CDHR5: variants seen among roughly 807,000 people sequenced by gnomAD.
CDHR5 encodes cadherin related family member 5, also known as cadherin-related family member 5.
In CDHR5, 82 loss-of-function variants were observed where a neutral mutation model predicts 69.5. That is an observed-to-expected ratio of 1.18 (90% CI 0.99 to 1.42). CDHR5 has a LOEUF of 1.42. CDHR5 is among the 40% of genes most tolerant of loss of function. The pLI is 0.00. For synonymous variants in CDHR5, 601 were observed against 510.2 expected (o/e 1.18, Z -2.40); for missense variants, 1,293 against 1,168.9 (o/e 1.11, Z -1.55).
chr11:620,582 T>TA (rs1488953369), intron 7 of CDHR5, among the ~76,000 whole-genome samples, 196 bp from the exon 8 acceptor site: 1 of 152,174 alleles, frequency 6.6e-6, no homozygotes, highest in Non-Finnish European at 1.5e-5. Context: ...GGTCCCTTAC[T>TA]AATGAATGAG....
At chr11:622,552 C>T (rs1056199561) in intron 3 of CDHR5, among the ~76,000 whole-genome samples, 1 of 150,678 alleles carries the variant, frequency 6.6e-6, no homozygotes, top group African/African-American at 2.4e-5. Flanking sequence ...CTCTGCCTCC[C>T]AGGTTCAAGC....
Position 616,946 on chromosome 11 carries a change from AGGGTCGG to A in CDHR5, c.*398_*404del. 2 of 219,380 alleles carry A rather than the reference AGGGTCGG, an allele frequency of 9.1e-6. No individual in the cohort carries two copies. The highest frequency in any genetic ancestry group is 1.8e-5 in the Non-Finnish European group (2 of 108,746). 13.6% of individuals were successfully genotyped at this position (219,380 alleles called of 1,614,324 possible). On this transcript the variant is annotated 3_prime_UTR_variant, in exon 15 of 15. Coordinates refer to ENST00000397542, the MANE Select transcript of CDHR5 (RefSeq NM_021924.5). ...CAGCCTCCCCAGGCAATCTCTGTGTAGGGTCGGGAGCGGGAGGTCTGAGATGAGCCGG... is the reference window on the plus strand; with the variant it reads ...CAGCCTCCCCAGGCAATCTCTGTGTAGAGCGGGAGGTCTGAGATGAGCCGG...
In CDHR5 at chr11:624,024, G is replaced by A. The variant is rs1451381998; in HGVS notation, c.312+189C>T. ...ACTGGATGGGGTGTCTGCTGGACAAGGGGTCAGTGACGGGGACTCCACAGC... is the reference window on the plus strand; with the variant it reads ...ACTGGATGGGGTGTCTGCTGGACAAAGGGTCAGTGACGGGGACTCCACAGC... On this transcript the variant is annotated intron_variant, in intron 3 of 14. Coordinates refer to ENST00000397542, the MANE Select transcript of CDHR5 (RefSeq NM_021924.5). This position sits in a 1 kb window ranked among gnomAD's most constrained non-coding sequence, Gnocchi z 5.3. Among the ~76,000 whole-genome samples the A allele has an allele frequency of 1.3e-5, 2 of 152,126 alleles. No homozygotes were observed. The highest frequency in any genetic ancestry group is 1.3e-4 in the Admixed American group (2 of 15,262).
chr11:621,833 G>A lies in CDHR5; in HGVS notation c.384C>T (p.Thr128=), dbSNP rs1564899692. The A allele has an allele frequency of 3.7e-6, 6 of 1,613,396 alleles. No individual in the cohort carries two copies. The highest frequency in any genetic ancestry group is 3.4e-6 in the Non-Finnish European group (4 of 1,179,622). ...TCACCTCCTCCACCCTTATCTCCTTGGTCTTAAAGGGGAATTCGGGGGCAT... is the reference window on the plus strand; with the variant it reads ...TCACCTCCTCCACCCTTATCTCCTTAGTCTTAAAGGGGAATTCGGGGGCAT... ...NDNAPEFPFK[T]KEIRVEEDTK... Residue 128 remains threonine (T), a synonymous_variant, in exon 4 of 15, where the codon ACC becomes ACT. Transcript: ENST00000397542. The surrounding 1 kb of genome is among the most constrained non-coding windows in gnomAD (Gnocchi z 4.4).
rs568991282 is a variant in CDHR5, at chr11:621,851, G to C, written c.366C>G (p.Pro122=). The C allele has an allele frequency of 6.2e-7, 1 of 1,613,694 alleles. No individual in the cohort carries two copies. Among genetic ancestry groups the C allele is most frequent in the Non-Finnish European group, 8.5e-7 (1 of 1,179,856 alleles). Residue 122 remains proline, a synonymous_variant, in exon 4 of 15, where the codon CCC becomes CCG. Transcript: ENST00000397542. This position sits in a 1 kb window ranked among gnomAD's most constrained non-coding sequence, Gnocchi z 4.4. ...VSVLDVNDNA[P]EFPFKTKEIR... is the part of the protein sequence containing the mutation. ...TCTCCTTGGTCTTAAAGGGGAATTCGGGGGCATTGTCATTGACGTCCAGCA... is the reference window on the plus strand; with the variant it reads ...TCTCCTTGGTCTTAAAGGGGAATTCCGGGGCATTGTCATTGACGTCCAGCA...
chr11:617,431 C>G lies in CDHR5; in HGVS notation c.2458G>C (p.Gly820Arg). Residue 820 changes from glycine (G) to arginine (R), a missense_variant, in exon 15 of 15, where the codon GGC becomes CGC. Coordinates refer to ENST00000397542, the MANE Select transcript of CDHR5 (RefSeq NM_021924.5). ...TLDVDGASDS[G>R]SGDEGEGAGR... is the part of the protein sequence containing the mutation. ...GCGCCCTCGCCCTCATCGCCGCTGCCGGAGTCACTGGCGCCATCCACGTCC... is the reference window on the plus strand; with the variant it reads ...GCGCCCTCGCCCTCATCGCCGCTGCGGGAGTCACTGGCGCCATCCACGTCC... The G allele has an allele frequency of 1.2e-6, 2 of 1,612,306 alleles. No individual in the cohort carries two copies. Among genetic ancestry groups the G allele is most frequent in the Non-Finnish European group, 1.7e-6 (2 of 1,179,598 alleles).
At position 618,852 on chromosome 11, in the gene CDHR5, G is replaced by T; in HGVS notation, c.1707C>A (p.Gly569=). 6.2e-7 allele frequency: 1 copy of T among 1,611,012 alleles called. No individual in the cohort carries two copies. The highest frequency in any genetic ancestry group is 8.5e-7 in the Non-Finnish European group (1 of 1,179,220). ...TTCCTGGCTCTGGGGTCTGTGCTGT[G>T]CCCCCACTGGGTGTGGCTGGTTGGT... ...TSHQPATPSG[G]TAQTPEPGTS... is the part of the protein sequence containing the mutation. The change falls in exon 13 of 15, where the codon GGC becomes GGA. Residue 569 remains glycine (G), a synonymous_variant. Coordinates refer to ENST00000397542, the MANE Select transcript of CDHR5 (RefSeq NM_021924.5).
In CDHR5 at chr11:619,340, C is replaced by T; in HGVS notation, c.1344G>A (p.Glu448=). 1.2e-6 allele frequency: 2 copies of T among 1,613,586 alleles called. No homozygotes were observed. Among genetic ancestry groups the T allele is most frequent in the Non-Finnish European group, 1.7e-6 (2 of 1,179,778 alleles). The change falls in exon 12 of 15, where the codon GAG becomes GAA. Residue 448 remains glutamate, a synonymous_variant. Coordinates refer to ENST00000397542, the MANE Select transcript of CDHR5 (RefSeq NM_021924.5). ...VTSGTATTVI[E]IQVSEQEPPS... Reference sequence around the variant, plus strand: ...GGGGCTCCTGTTCGGAAACTTGTATCTCAATGACTGTGGTTGCGGTGCCAG... The same window carrying T: ...GGGGCTCCTGTTCGGAAACTTGTATTTCAATGACTGTGGTTGCGGTGCCAG...
rs1218145915 is a variant in CDHR5, at chr11:619,577, G to A, written c.1190C>T (p.Ser397Leu). 12 of 1,613,342 alleles carry A rather than the reference G, an allele frequency of 7.4e-6. No homozygotes were observed. Among genetic ancestry groups the A allele is most frequent in the East Asian group, 6.7e-5 (3 of 44,880 alleles). The change falls in exon 11 of 15, where the codon TCG (serine) becomes TTG (leucine). Residue 397 changes from serine to leucine, a missense_variant. Transcript: ENST00000397542. The part of the protein sequence containing the change: ...AQDPEFSDLN[S>L]AITYRITNHS... The stretch of plus-strand genomic sequence containing the variant: ...GTTGGTAATTCGATATGTGATGGCC[G>A]AGTTGAGGTCCTGGACAGGGTCTCA...
In CDHR5 at chr11:617,357, G is replaced by A. The variant is rs1376201373; in HGVS notation, c.2532C>T (p.Tyr844=). 3.1e-6 allele frequency: 5 copies of A among 1,601,696 alleles called. No individual in the cohort carries two copies. The highest frequency in any genetic ancestry group is 2.7e-5 in the African/African-American group (2 of 74,556). The change falls in exon 15 of 15, where the codon TAC becomes TAT. Residue 844 remains tyrosine, a synonymous_variant. Coordinates refer to ENST00000397542, the MANE Select transcript of CDHR5 (RefSeq NM_021924.5). ...PYDAPGGDDS[Y]I Reference sequence around the variant, plus strand: ...GAGAGGGTGGAGGGGCCACTTAGATGTAGGAGTCATCACCACCGGGCGCAT... The same window carrying A: ...GAGAGGGTGGAGGGGCCACTTAGATATAGGAGTCATCACCACCGGGCGCAT...
intron 3 of CDHR5, among the ~76,000 whole-genome samples, chr11:623,303 T>G (rs1857528977): frequency 6.6e-6 from 1 of 152,104 alleles, no homozygotes; most frequent in African/African-American, 2.4e-5. Context: ...AGTGAGACTC[T>G]GTCTCAAAAA....
At position 624,475 on chromosome 11, in the gene CDHR5, A is replaced by G; in HGVS notation, c.261+82T>C. On this transcript the variant is annotated intron_variant, in intron 2 of 14. Transcript: ENST00000397542. This position sits in a 1 kb window ranked among gnomAD's most constrained non-coding sequence, Gnocchi z 5.3. ...GGATGCCCGCAGGCATAGAACTCCT[A>G]GGCCCCCAAGGGAGGTGTGGCCTGA... is the stretch of plus-strand genomic sequence containing the variant. 7.1e-7 allele frequency: 1 copy of G among 1,399,536 alleles called. No homozygotes were observed. The highest frequency in any genetic ancestry group is 1.0e-6 in the Non-Finnish European group (1 of 986,346). 86.7% of individuals were successfully genotyped at this position (1,399,536 alleles called of 1,614,324 possible).
Position 617,379 on chromosome 11 carries a change from G to A in CDHR5, c.2510C>T (p.Ala837Val), listed in dbSNP as rs749483684. Residue 837 changes from alanine to valine, a missense_variant, in exon 15 of 15, where the codon GCG becomes GTG. Transcript: ENST00000397542. Reference sequence around the variant, plus strand: ...GATGTAGGAGTCATCACCACCGGGCGCATCGTAGGGACCCCCACCCCTCCC... The same window carrying A: ...GATGTAGGAGTCATCACCACCGGGCACATCGTAGGGACCCCCACCCCTCCC... ...GAGRGGGPYDAPGGDDSYI is the reference protein window; with the variant it reads ...GAGRGGGPYDVPGGDDSYI 2.2e-5 allele frequency: 35 copies of A among 1,609,036 alleles called. No homozygotes were observed. Among genetic ancestry groups the A allele is most frequent in the South Asian group, 6.6e-5 (6 of 90,860 alleles).
intron 13 of CDHR5, 113 bp downstream of exon 13, chr11:618,486 C>T (rs1857122708): frequency 2.3e-6 from 3 of 1,289,764 alleles, no homozygotes; most frequent in Admixed American, 2.1e-5. Flanking sequence ...ACAGACTCCT[C>T]TTTGGGATTT....
rs764627222 is a variant in CDHR5 at position 621,601 on chromosome 11, C to T, written c.468G>A (p.Lys156=). 2 of 1,613,756 alleles carry T rather than the reference C, an allele frequency of 1.2e-6. No individual in the cohort carries two copies. The highest frequency in any genetic ancestry group is 1.7e-5 in the Admixed American group (1 of 59,996). ...GGAGGGTGTAGAACAGAATGTCGTC[C>T]TTGTCGCGGTCCTCAGCCTGCAGTT... ...ETQLQAEDRD[K]DDILFYTLQE... Residue 156 remains lysine (K), a synonymous_variant, in exon 5 of 15, where the codon AAG becomes AAA. Coordinates refer to ENST00000397542, the MANE Select transcript of CDHR5 (RefSeq NM_021924.5). This position sits in a 1 kb window ranked among gnomAD's most constrained non-coding sequence, Gnocchi z 4.4.
chr11:624,076 A>G lies in CDHR5; in HGVS notation c.312+137T>C. The stretch of plus-strand genomic sequence containing the variant: ...CAGGGCAGAGTCTGGACTGGAGGAA[A>G]TGTGGGCATCACCCTCGGGGGGGTG... On this transcript the variant is annotated intron_variant, in intron 3 of 14. Transcript: ENST00000397542. This position sits in a 1 kb window ranked among gnomAD's most constrained non-coding sequence, Gnocchi z 5.3. The G allele has an allele frequency of 1.5e-6, 1 of 649,506 alleles. No individual in the cohort carries two copies. Among genetic ancestry groups the G allele is most frequent in the Non-Finnish European group, 2.8e-6 (1 of 354,056 alleles). 40.2% of individuals were successfully genotyped at this position (649,506 alleles called of 1,614,324 possible). A position where few individuals can be genotyped will look rare whatever the true frequency, so the allele number is the denominator to read the frequency against.
Position 619,171 on chromosome 11 carries a change from G to T in CDHR5, c.1388C>A (p.Pro463Gln), listed in dbSNP as rs767454065. The change falls in exon 13 of 15, where the codon CCA becomes CAA. Residue 463 changes from proline to glutamine, a missense_variant. Transcript: ENST00000397542. ...EQEPPSTDVP[P>Q]SPEAGGTTGP... Reference sequence around the variant, plus strand: ...AGTTGTTCCTCCAGCCTCTGGGGATGGGGGGACATCTGGGGGCCGGGAACA... The same window carrying T: ...AGTTGTTCCTCCAGCCTCTGGGGATTGGGGGACATCTGGGGGCCGGGAACA... The T allele has an allele frequency of 2.6e-6, 4 of 1,542,264 alleles. No individual in the cohort carries two copies. The highest frequency in any genetic ancestry group is 3.5e-6 in the Non-Finnish European group (4 of 1,144,898).
chr11:620,620 A>G lies in CDHR5; in HGVS notation c.790-234T>C, dbSNP rs1857317442. On this transcript the variant is annotated intron_variant, in intron 7 of 14. Coordinates refer to ENST00000397542, the MANE Select transcript of CDHR5 (RefSeq NM_021924.5). ...CAGTGGCCCAAAGATACTGAGTCCCATTTGCACAAGGCTTGTCTTGACGGG... is the reference window on the plus strand; with the variant it reads ...CAGTGGCCCAAAGATACTGAGTCCCGTTTGCACAAGGCTTGTCTTGACGGG... Among the ~76,000 whole-genome samples the G allele has an allele frequency of 2.0e-5, 3 of 152,158 alleles. No individual in the cohort carries two copies. In the South Asian group the frequency reaches 6.2e-4, roughly 31 times the overall value.
chr11:619,790 C>T lies in CDHR5; in HGVS notation c.1070G>A (p.Arg357Lys), dbSNP rs1857252433. ...ACGCGCCACGGTGCCACGATACAGT[C>T]TCTGGGGGAAGCGGGGCGGGCTCCC... Reference protein sequence around the residue: ...AAGSPPRFPQRLYRGTVARGA... With the variant: ...AAGSPPRFPQKLYRGTVARGA... The change falls in exon 10 of 15, where the codon AGA becomes AAA. Residue 357 changes from arginine (R) to lysine (K), a missense_variant. By Grantham distance (26) the Arg-to-Lys change is conservative (BLOSUM62 2). Coordinates refer to ENST00000397542, the MANE Select transcript of CDHR5 (RefSeq NM_021924.5). The T allele has an allele frequency of 1.9e-6, 3 of 1,607,348 alleles. No homozygotes were observed. The highest frequency in any genetic ancestry group is 2.5e-6 in the Non-Finnish European group (3 of 1,178,958).
Sources: allele counts gnomAD v4.1 joint callset (sites outside exome capture counted in the v4.1 genomes callset), GRCh38; gene constraint gnomAD v4.1.1; non-coding constraint Gnocchi (gnomAD v3.1); transcripts MANE v1.5; gene names NCBI Gene and HGNC (gene_info 2026-07-23, HGNC 2026-07-21).